Variants in AUTS2 observed in about 807,000 individuals in gnomAD.
The protein encoded by AUTS2 is autism susceptibility gene 2 protein.
Under a neutral mutation model 112.4 loss-of-function variants are expected in AUTS2, and 17 were observed. That is an observed-to-expected ratio of 0.15 (90% CI 0.10 to 0.23). The LOEUF is 0.23. AUTS2 is among the 10% of genes least tolerant of loss of function. The probability of loss-of-function intolerance (pLI) is 1.00; values close to 1 mark genes in which losing one functional copy is unlikely to be tolerated. For synonymous variants in AUTS2, 751 were observed against 702.7 expected (o/e 1.07, Z -1.09); for missense variants, 1,510 against 1,701.6 (o/e 0.89, Z 1.98).
chr7:70,357,707 G>C (rs947411920), intron 4 of AUTS2, among the ~76,000 whole-genome samples: 5 of 152,314 alleles, frequency 3.3e-5, no homozygotes, highest in African/African-American at 1.2e-4. Flanking sequence ...TATGAAGTAA[G>C]CTTGACGTAG....
At chr7:70,236,635 G>T (rs1424975440) in intron 4 of AUTS2, among the ~76,000 whole-genome samples, 1 of 152,138 alleles carries the variant, frequency 6.6e-6, no homozygotes, top group Admixed American at 6.6e-5. Context: ...GCAAGTATTT[G>T]ATATCTTCAG....
intron 4 of AUTS2, among the ~76,000 whole-genome samples, chr7:70,264,060 T>C (rs1443244307): frequency 6.6e-6 from 1 of 152,216 alleles, no homozygotes; most frequent in Non-Finnish European, 1.5e-5. Flanking sequence ...TTTGATCCAA[T>C]TGGCAATGCT....
chr7:70,308,255 C>G (rs1435332385), intron 4 of AUTS2, among the ~76,000 whole-genome samples: 2 of 152,086 alleles, frequency 1.3e-5, no homozygotes, highest in Non-Finnish European at 2.9e-5. Flanking sequence ...CCTGTGGGCC[C>G]CAGGAGTTAT....
intron 1 of AUTS2, among the ~76,000 whole-genome samples, chr7:69,633,948 C>T (rs1458552419): frequency 1.3e-5 from 2 of 152,084 alleles, no homozygotes; most frequent in Non-Finnish European, 2.9e-5. Context: ...TAGTTTGCTG[C>T]AGCCCCATAT....
chr7:70,321,441 G>A (rs1396332293), intron 4 of AUTS2, among the ~76,000 whole-genome samples: 1 of 152,138 alleles, frequency 6.6e-6, no homozygotes, highest in Non-Finnish European at 1.5e-5. Flanking sequence ...TGTTGGCAGT[G>A]TTGTTTTAAA....
intron 5 of AUTS2, among the ~76,000 whole-genome samples, chr7:70,684,301 G>A (rs1808348315): frequency 6.6e-6 from 1 of 152,182 alleles, no homozygotes; most frequent in Admixed American, 6.5e-5. Context: ...ACCATTCTCA[G>A]GATGTCAGTA....
chr7:70,522,456 T>G (rs1184210649), intron 5 of AUTS2, among the ~76,000 whole-genome samples: 1 of 152,200 alleles, frequency 6.6e-6, no homozygotes, highest in Non-Finnish European at 1.5e-5. Flanking sequence ...CCTTCTTCCC[T>G]CTCTCCACTC....
intron 4 of AUTS2, among the ~76,000 whole-genome samples, chr7:70,163,675 T>A (rs1808234280): frequency 6.6e-6 from 1 of 152,056 alleles, no homozygotes; most frequent in Non-Finnish European, 1.5e-5. Context: ...ATCCTCTACC[T>A]CTGGTAGAGG....
chr7:70,157,718 A>G (rs1020084217), intron 4 of AUTS2, among the ~76,000 whole-genome samples: 4 of 152,202 alleles, frequency 2.6e-5, no homozygotes, highest in African/African-American at 4.8e-5. Flanking sequence ...CTTAAAAGGT[A>G]GCATTTTATA....
At chr7:70,565,863 A>T (rs1041158379) in intron 5 of AUTS2, among the ~76,000 whole-genome samples, 2 of 152,210 alleles carry the variant, frequency 1.3e-5, no homozygotes, top group African/African-American at 4.8e-5. Flanking sequence ...TGTTGTAACT[A>T]TTAGAATACA....
chr7:69,918,096 C>T (rs1197827126), intron 2 of AUTS2, among the ~76,000 whole-genome samples: 1 of 152,070 alleles, frequency 6.6e-6, no homozygotes, highest in Non-Finnish European at 1.5e-5. Flanking sequence ...CTGCCTCGGC[C>T]TCCCAAAGTG....
chr7:70,506,425 A>T (rs1037655946), intron 5 of AUTS2, among the ~76,000 whole-genome samples: 1 of 152,228 alleles, frequency 6.6e-6, no homozygotes, highest in African/African-American at 2.4e-5. Context: ...AACATGCCTC[A>T]TAGTTTAGCT....
At chr7:70,154,700 C>T (rs899210374) in intron 4 of AUTS2, among the ~76,000 whole-genome samples, 3 of 152,204 alleles carry the variant, frequency 2.0e-5, no homozygotes, top group African/African-American at 7.2e-5. Flanking sequence ...AACAATGCCA[C>T]TGGCATGAAC....
intron 1 of AUTS2, among the ~76,000 whole-genome samples, chr7:69,662,178 T>C (rs1045199311): frequency 2.2e-5 from 3 of 139,112 alleles, no homozygotes; most frequent in Non-Finnish European, 3.2e-5. Flanking sequence ...TATTCAGAGC[T>C]TTTTTTTTTT....
Position 70,028,769 on chromosome 7 carries a change from G to A in AUTS2, c.523-89363G>A, listed in dbSNP as rs1248127116. ...TTTAATAATCTTCTGATTTCAATCT[G>A]TTACTTTGTCTCAGTCAGAATAACC... On this transcript the variant is annotated intron_variant, in intron 2 of 18. Transcript: ENST00000342771. Among the ~76,000 whole-genome samples the A allele has an allele frequency of 2.0e-5, 3 of 152,060 alleles. No individual in the cohort carries two copies. The East Asian group carries it at 5.8e-4, about 29-fold the overall frequency.
intron 2 of AUTS2, among the ~76,000 whole-genome samples, chr7:70,037,620 A>C (rs890127272): frequency 5.9e-5 from 9 of 152,118 alleles, no homozygotes; most frequent in African/African-American, 2.2e-4. Flanking sequence ...TTCTTTTACA[A>C]ATTGTGAGCT....
At chr7:70,064,043 A>G (rs576968098) in intron 2 of AUTS2, among the ~76,000 whole-genome samples, 1 of 152,342 alleles carries the variant, frequency 6.6e-6, no homozygotes, top group Admixed American at 6.5e-5. Context: ...CAGAAGAGCC[A>G]AGACTTGTCC....
Position 70,533,438 on chromosome 7 carries a change from A to C in AUTS2, c.690+97657A>C, listed in dbSNP as rs148238217. Among the ~76,000 whole-genome samples, 1,412 of 152,204 alleles carry C rather than the reference A, an allele frequency of 9.3e-3. 14 individuals are homozygous for C. The highest frequency in any genetic ancestry group is 0.033 in the African/African-American group (1,350 of 41,526). ...CCAGCCTGTTTTCTAATGGGTGTCC[A>C]CATTAAATCTGAACTCTGCCTCAAG... On this transcript the variant is annotated intron_variant, in intron 5 of 18. Transcript: ENST00000342771.
chr7:69,814,528 C>T (rs1790675185), intron 1 of AUTS2, among the ~76,000 whole-genome samples: 1 of 152,256 alleles, frequency 6.6e-6, no homozygotes, highest in South Asian at 2.1e-4. Context: ...AGCTCCCAGC[C>T]AGGCCACCCG....
Sources: gnomAD v4.1 joint callset for allele counts (sites outside exome capture counted in the v4.1 genomes callset) on GRCh38, gnomAD v4.1.1 for gene constraint, MANE v1.5 for transcripts, NCBI Gene and HGNC (gene_info 2026-07-23, HGNC 2026-07-21) for gene names.